Variants in WDHD1 observed in about 807,000 individuals in gnomAD.
The protein encoded by WDHD1 is WD repeat and HMG-box DNA-binding protein 1.
WDHD1 carries 111 observed loss-of-function variants against 135.4 expected under a neutral mutation model. That is an observed-to-expected ratio of 0.82 (90% CI 0.70 to 0.96). The LOEUF (loss-of-function observed/expected upper bound fraction) is 0.96, where lower values mean the gene tolerates loss of function less well. Among genes scored for constraint, WDHD1 ranks in the 40% least tolerant of loss-of-function variants. WDHD1 has a pLI of 0.00. For missense variants in WDHD1, 1,351 were observed against 1,336.3 expected (o/e 1.01, Z -0.17); for synonymous variants, 434 against 439.0 (o/e 0.99, Z 0.14).
At chr14:54,975,358 T>C (rs1198909742) in intron 16 of WDHD1, among the ~76,000 whole-genome samples, 1 of 152,010 alleles carries the variant, frequency 6.6e-6, no homozygotes, top group Admixed American at 6.6e-5. Flanking sequence ...CATAATTTTT[T>C]TTTTTTTGAG....
chr14:54,981,597 T>G lies in WDHD1; in HGVS notation c.2006A>C (p.Lys669Thr), dbSNP rs759747928. ...TPICNTREHC[K>T]GKSDHYWVVG... ...CACCCAGTAGTGATCAGATTTTCCTTTGCAGTGCTCTCTTGTATTACATAT... is the reference window on the plus strand; with the variant it reads ...CACCCAGTAGTGATCAGATTTTCCTGTGCAGTGCTCTCTTGTATTACATAT... Residue 669 changes from lysine (K) to threonine (T), a missense_variant, in exon 16 of 26, where the codon AAA (lysine) becomes ACA (threonine). Lys to Thr is a moderately conservative substitution (Grantham distance 78, BLOSUM62 -1). Around this residue, in one of 2 missense-constraint regions of WDHD1, gnomAD observed 1,330 missense variants for 1,296.1 expected, o/e 1.03. Coordinates refer to ENST00000360586, the MANE Select transcript of WDHD1 (RefSeq NM_007086.4). 1.9e-6 allele frequency: 3 copies of G among 1,613,740 alleles called. No homozygotes were observed. Among genetic ancestry groups the G allele is most frequent in the Non-Finnish European group, 2.5e-6 (3 of 1,179,882 alleles).
At chr14:54,944,772 A>C (rs1477009935) in intron 24 of WDHD1, among the ~76,000 whole-genome samples, 3 of 151,976 alleles carry the variant, frequency 2.0e-5, no homozygotes, top group Non-Finnish European at 4.4e-5. Flanking sequence ...GGCATGCGCC[A>C]CCACACCTGG....
intron 11 of WDHD1, among the ~76,000 whole-genome samples, chr14:54,992,082 AC>A (rs1445539618): frequency 1.3e-5 from 2 of 151,758 alleles, no homozygotes; most frequent in Non-Finnish European, 2.9e-5. Flanking sequence ...ACATGGTGAA[AC>A]CCTGTCTCTA....
chr14:54,962,951 C>G lies in WDHD1; in HGVS notation c.2531+1G>C. 6.2e-7 allele frequency: 1 copy of G among 1,613,748 alleles called. No individual in the cohort carries two copies. Among genetic ancestry groups the G allele is most frequent in the Non-Finnish European group, 8.5e-7 (1 of 1,179,984 alleles). On this transcript the variant is annotated splice_donor_variant, in intron 19 of 25. Coordinates refer to ENST00000360586, the MANE Select transcript of WDHD1 (RefSeq NM_007086.4). LOFTEE classifies it high-confidence loss of function. ...ATTCAAACAACTAAATTATTTCTTA[C>G]CCAGCATTCAGCTTTTTTCTGAAAT...
intron 24 of WDHD1, among the ~76,000 whole-genome samples, chr14:54,951,941 C>T (rs546288247): frequency 9.9e-5 from 15 of 152,276 alleles, no homozygotes; most frequent in East Asian, 5.8e-4. Flanking sequence ...AATTCAACAA[C>T]GCTTCATGCT....
chr14:55,022,575 G>A (rs546055466), intron 2 of WDHD1, among the ~76,000 whole-genome samples: 8 of 152,026 alleles, frequency 5.3e-5, no homozygotes, highest in South Asian at 4.2e-4. Flanking sequence ...CCAGCTACTC[G>A]GGAGGCTGAG....
intron 7 of WDHD1, among the ~76,000 whole-genome samples, chr14:55,006,705 G>C (rs538634200): frequency 3.1e-4 from 47 of 152,186 alleles, no homozygotes; most frequent in African/African-American, 1.1e-3. Flanking sequence ...ACTGTCTCCA[G>C]AGTTGTTCCA....
intron 16 of WDHD1, among the ~76,000 whole-genome samples, chr14:54,970,482 C>T (rs752587360): frequency 2.6e-5 from 4 of 151,862 alleles, no homozygotes; most frequent in South Asian, 2.1e-4. Flanking sequence ...ACAAGAACTA[C>T]AAAACACTGT....
At chr14:54,949,446 T>A (rs1188927296) in intron 24 of WDHD1, among the ~76,000 whole-genome samples, 1 of 151,928 alleles carries the variant, frequency 6.6e-6, no homozygotes, top group Non-Finnish European at 1.5e-5. Context: ...AAGAAAAGTT[T>A]AGAGAAAAAA....
chr14:54,977,921 A>C (rs2041554215), intron 16 of WDHD1, among the ~76,000 whole-genome samples: 1 of 152,010 alleles, frequency 6.6e-6, no homozygotes, highest in South Asian at 2.1e-4. Context: ...GGAAAAAAAA[A>C]AAAAGCATGT....
chr14:54,970,034 T>C (rs189002404), intron 16 of WDHD1, among the ~76,000 whole-genome samples: 2 of 152,300 alleles, frequency 1.3e-5, no homozygotes, highest in East Asian at 1.9e-4. Context: ...ATACTAGGCA[T>C]TGAAGGAACA....
At chr14:54,980,918 G>A (rs2041608782) in intron 16 of WDHD1, among the ~76,000 whole-genome samples, 1 of 151,636 alleles carries the variant, frequency 6.6e-6, no homozygotes. Context: ...AAACCATCCT[G>A]GCTAACACGG....
At position 54,970,488 on chromosome 14, in the gene WDHD1, A is replaced by G. The variant is rs143942035; in HGVS notation, c.2064-3094T>C. 1.8e-3 allele frequency among the ~76,000 whole-genome samples: 269 copies of G among 152,224 alleles called. 1 individual carries two copies. Among genetic ancestry groups the G allele is most frequent in the African/African-American group, 6.3e-3 (260 of 41,532 alleles). On this transcript the variant is annotated intron_variant, in intron 16 of 25. Transcript: ENST00000360586. Reference sequence around the variant, plus strand: ...AAGATCTCTACAAGAACTACAAAACACTGTTGAAAGAAATCACAGATAACA... The same window carrying G: ...AAGATCTCTACAAGAACTACAAAACGCTGTTGAAAGAAATCACAGATAACA...
At chr14:54,960,505 C>A (rs903897141) in intron 21 of WDHD1, among the ~76,000 whole-genome samples, 23 of 149,802 alleles carry the variant, frequency 1.5e-4, no homozygotes, top group African/African-American at 4.7e-4. Flanking sequence ...TTTACTTCTT[C>A]TTATTATTAT....
At position 55,006,258 on chromosome 14, in the gene WDHD1, T is replaced by C. The variant is rs144414386; in HGVS notation, c.600+1022A>G. Among the ~76,000 whole-genome samples, 814 of 152,332 alleles carry C rather than the reference T, an allele frequency of 5.3e-3. 10 individuals carry two copies. Among genetic ancestry groups the C allele is most frequent in the African/African-American group, 0.018 (769 of 41,576 alleles). On this transcript the variant is annotated intron_variant, in intron 7 of 25. Transcript: ENST00000360586. ...ATCAAATAATTCCTTTCTAAGAATA[T>C]ATGTTTCTATTTATCCAAGTCTTCT...
chr14:54,946,950 T>C (rs892431083), intron 24 of WDHD1, among the ~76,000 whole-genome samples: 1 of 147,646 alleles, frequency 6.8e-6, no homozygotes, highest in Non-Finnish European at 1.5e-5. Flanking sequence ...GGCTGAGGCA[T>C]GAGAATTGCT....
chr14:55,025,164 TTGAGATGTTTATG>T (rs1301560214), intron 2 of WDHD1, among the ~76,000 whole-genome samples: 25 of 138,468 alleles, frequency 1.8e-4, no homozygotes, highest in African/African-American at 6.0e-4. Context: ...TTGTAAAGCA[TTGAGATGTTTATG>T]TGTATGCATA....
chr14:54,964,499 T>TACC (rs2041309667), intron 18 of WDHD1, among the ~76,000 whole-genome samples: 1 of 151,720 alleles, frequency 6.6e-6, no homozygotes, highest in Non-Finnish European at 1.5e-5. Flanking sequence ...AATTAGCTGG[T>TACC]GTGGTGGCAG....
At chr14:54,955,502 T>G (rs779105569) in intron 24 of WDHD1, 59 bp downstream of exon 24, 47 of 1,396,234 alleles carry the variant, frequency 3.4e-5, no homozygotes, top group Non-Finnish European at 4.3e-5. Context: ...AATTTTGTAT[T>G]GCTGCTACTG....
Sources: allele counts gnomAD v4.1 joint callset (sites outside exome capture counted in the v4.1 genomes callset), GRCh38; gene constraint gnomAD v4.1.1; regional missense constraint gnomAD v4.1.1; transcripts MANE v1.5; gene names NCBI Gene and HGNC (gene_info 2026-07-23, HGNC 2026-07-21).